The following ANO2 variants were observed in gnomAD, a reference collection of about 807,000 sequenced individuals.
ANO2 encodes anoctamin 2.
Under a neutral mutation model 124.2 loss-of-function variants are expected in ANO2, and 101 were observed. The observed-to-expected ratio is 0.81, with a 90% CI of 0.69 to 0.96. The LOEUF is 0.96. ANO2 is among the 40% of genes least tolerant of loss of function. ANO2 has a pLI of 0.00. For synonymous variants in ANO2, 486 were observed against 482.5 expected (o/e 1.01, Z -0.09); for missense variants, 1,293 against 1,274.5 (o/e 1.01, Z -0.22).
At chr12:5,581,725 A>G in intron 20 of ANO2, among the ~76,000 whole-genome samples, 2 of 152,124 alleles carry the variant, frequency 1.3e-5, no homozygotes, top group East Asian at 3.9e-4. Context: ...TATGTTCAGC[A>G]CTGGATGGCC....
chr12:5,873,199 CTCTCTCTCTCTCTCTCTCT>C, intron 3 of ANO2, among the ~76,000 whole-genome samples: 1 of 25,698 alleles, frequency 3.9e-5, no homozygotes, highest in Non-Finnish European at 7.0e-5. Context: ...TAAAGCAGCT[CTCTCTCTCTCTCTCTCTCT>C]CTCTCTCTCT....
intron 14 of ANO2, among the ~76,000 whole-genome samples, chr12:5,678,156 A>G (rs1362952203): frequency 6.6e-6 from 1 of 152,194 alleles, no homozygotes; most frequent in African/African-American, 2.4e-5. Context: ...TGGTCGCTAG[A>G]TAATTGATGC....
At chr12:5,699,027 T>C (rs1949300491) in intron 14 of ANO2, among the ~76,000 whole-genome samples, 1 of 152,216 alleles carries the variant, frequency 6.6e-6, no homozygotes, top group African/African-American at 2.4e-5. Context: ...TTCAGGATAT[T>C]ATCCAGGAGA....
chr12:5,626,974 G>C (rs1591767531), intron 16 of ANO2, among the ~76,000 whole-genome samples: 1 of 152,328 alleles, frequency 6.6e-6, no homozygotes, highest in East Asian at 1.9e-4. Context: ...TAACAGAAGA[G>C]ATGAGTGCTG....
chr12:5,687,648 C>T (rs1327575406), intron 14 of ANO2, among the ~76,000 whole-genome samples: 1 of 152,242 alleles, frequency 6.6e-6, no homozygotes, highest in Non-Finnish European at 1.5e-5. Context: ...TTTCCAAGAA[C>T]TTGGAGTGCT....
At chr12:5,564,668 AATGTGAC>A (rs1941639487) in intron 24 of ANO2, 1 of 152,202 alleles carries the variant, frequency 6.6e-6, no homozygotes, top group Non-Finnish European at 1.5e-5. Flanking sequence ...GTGTGAGTGA[AATGTGAC>A]ATGTGACATA....
At chr12:5,906,552 T>A (rs1940706265) in intron 3 of ANO2, among the ~76,000 whole-genome samples, 1 of 152,008 alleles carries the variant, frequency 6.6e-6, no homozygotes, top group Non-Finnish European at 1.5e-5. Flanking sequence ...ATCCCAGCAC[T>A]TTGGGAGGCC....
chr12:5,937,345 A>C (rs904202651), intron 1 of ANO2, among the ~76,000 whole-genome samples: 1 of 152,054 alleles, frequency 6.6e-6, no homozygotes, highest in African/African-American at 2.4e-5. Context: ...CCTGTTGGCC[A>C]CTTTTATGTC....
rs1429266768 is a variant in ANO2 at position 5,635,721 on chromosome 12, C to T, written c.1621-374G>A. On this transcript the variant is annotated intron_variant, in intron 15 of 24. Transcript: ENST00000682330. This position sits in a 1 kb window ranked among gnomAD's most constrained non-coding sequence, Gnocchi z 5.2. ...AGCTTTTGATCTTCTAAAGAGATAACATGAACTCCTTTTAAATAAACCATA... is the reference window on the plus strand; with the variant it reads ...AGCTTTTGATCTTCTAAAGAGATAATATGAACTCCTTTTAAATAAACCATA... Among the ~76,000 whole-genome samples the T allele has an allele frequency of 2.0e-5, 3 of 151,958 alleles. No homozygotes were observed. Among genetic ancestry groups the T allele is most frequent in the Non-Finnish European group, 4.4e-5 (3 of 68,010 alleles).
intron 14 of ANO2, among the ~76,000 whole-genome samples, chr12:5,714,087 C>A (rs984875513): frequency 6.6e-6 from 1 of 152,238 alleles, no homozygotes; most frequent in Non-Finnish European, 1.5e-5. Flanking sequence ...TCTTACACTG[C>A]CAATTGTCTA....
At chr12:5,795,967 C>T (rs1199909482) in intron 10 of ANO2, among the ~76,000 whole-genome samples, 1 of 152,154 alleles carries the variant, frequency 6.6e-6, no homozygotes, top group African/African-American at 2.4e-5. Context: ...TTCACTCTAG[C>T]TTAGGAGTCA....
intron 19 of ANO2, among the ~76,000 whole-genome samples, chr12:5,607,565 G>A (rs946569860): frequency 2.0e-5 from 3 of 152,036 alleles, no homozygotes; most frequent in African/African-American, 4.8e-5. Context: ...ACCAGTACCC[G>A]TCCTTGGTCT....
intron 23 of ANO2, among the ~76,000 whole-genome samples, chr12:5,567,269 AACCGTCCTCAGCTGAGG>A (rs1249036432): frequency 1.3e-5 from 2 of 152,208 alleles, no homozygotes; most frequent in African/African-American, 4.8e-5. Flanking sequence ...GATTCATCAT[AACCGTCCTCAGCTGAGG>A]ACAGAAACAT....
Position 5,635,018 on chromosome 12 carries a change from C to T in ANO2, c.1816+134G>A. 2 of 765,196 alleles carry T rather than the reference C, an allele frequency of 2.6e-6. No individual in the cohort carries two copies. The highest frequency in any genetic ancestry group is 4.0e-4 in the Middle Eastern group (1 of 2,526). 47.4% of individuals were successfully genotyped at this position (765,196 alleles called of 1,614,324 possible). On this transcript the variant is annotated intron_variant, in intron 16 of 24. Transcript: ENST00000682330. The surrounding 1 kb of genome is among the most constrained non-coding windows in gnomAD (Gnocchi z 5.2). ...ACAAATACACACACGTTGCACTTCCCCATTTCTCTAATTAAAATGCACTGT... is the reference window on the plus strand; with the variant it reads ...ACAAATACACACACGTTGCACTTCCTCATTTCTCTAATTAAAATGCACTGT...
intron 4 of ANO2, among the ~76,000 whole-genome samples, chr12:5,845,456 A>G (rs1041317764): frequency 6.6e-6 from 1 of 151,240 alleles, no homozygotes. Context: ...AGTCCCAGCT[A>G]CTCAGGAGGC....
At chr12:5,759,227 A>G (rs1397508559) in intron 10 of ANO2, among the ~76,000 whole-genome samples, 1 of 152,122 alleles carries the variant, frequency 6.6e-6, no homozygotes, top group Non-Finnish European at 1.5e-5. Context: ...AAAAACAAAA[A>G]TGAAACCCCA....
At position 5,907,739 on chromosome 12, in the gene ANO2, C is replaced by T. The variant is rs114070551; in HGVS notation, c.534+13301G>A. Among the ~76,000 whole-genome samples, 103 of 152,312 alleles carry T rather than the reference C, an allele frequency of 6.8e-4. 1 individual carries two copies. The highest frequency in any genetic ancestry group is 2.2e-3 in the African/African-American group (92 of 41,582). On this transcript the variant is annotated intron_variant, in intron 3 of 24. Coordinates refer to ENST00000682330, the MANE Select transcript of ANO2 (RefSeq NM_001364791.2). ...ATTCATGAAGTATTTCGCCCATGAA[C>T]GGTGTGGGCTACAGATCCCAGATAA...
chr12:5,753,718 A>C (rs752753282), intron 10 of ANO2, among the ~76,000 whole-genome samples: 2 of 152,168 alleles, frequency 1.3e-5, no homozygotes, highest in African/African-American at 2.4e-5. Flanking sequence ...ACAGAAATGA[A>C]AATGATTTTT....
chr12:5,687,115 T>C (rs929604212), intron 14 of ANO2, among the ~76,000 whole-genome samples: 1 of 152,158 alleles, frequency 6.6e-6, no homozygotes, highest in Non-Finnish European at 1.5e-5. Flanking sequence ...TTGGCACATC[T>C]TGGACTGAGA....
Sources: gnomAD v4.1 joint callset for allele counts (sites outside exome capture counted in the v4.1 genomes callset) on GRCh38, gnomAD v4.1.1 for gene constraint, Gnocchi (gnomAD v3.1) non-coding constraint, MANE v1.5 for transcripts, NCBI Gene and HGNC (gene_info 2026-07-23, HGNC 2026-07-21) for gene names.